The following EPB41L5 variants were observed in gnomAD, a reference collection of about 807,000 sequenced individuals.
The protein encoded by EPB41L5 is band 4.1-like protein 5.
Under a neutral mutation model 106.6 loss-of-function variants are expected in EPB41L5, and 55 were observed. The observed-to-expected ratio is 0.52, with a 90% CI of 0.42 to 0.65. The LOEUF is 0.65. EPB41L5 is among the 30% of genes least tolerant of loss of function. The probability of loss-of-function intolerance (pLI) is 0.00; values close to 1 mark genes in which losing one functional copy is unlikely to be tolerated. For missense variants in EPB41L5, 871 were observed against 882.1 expected (o/e 0.99, Z 0.16); for synonymous variants, 297 against 306.7 (o/e 0.97, Z 0.33).
rs2105414111 is a variant in EPB41L5, at chr2:120,106,178, T to G, written c.1337+5364T>G. The G allele has an allele frequency of 2.0e-6, 2 of 985,380 alleles. 1 individual carries two copies. Among genetic ancestry groups the G allele is most frequent in the East Asian group, 2.3e-4 (2 of 8,816 alleles). The allele number at this position is 985,380 out of a possible 1,614,324, so 61.0% of individuals were successfully genotyped here. ...GATTTTTCTTTTGTTGAAAACCTTGTTGTAAAGAATTGATTTGCGAATTCC... is the reference window on the plus strand; with the variant it reads ...GATTTTTCTTTTGTTGAAAACCTTGGTGTAAAGAATTGATTTGCGAATTCC... On this transcript the variant is annotated intron_variant, in intron 16 of 24. Transcript: ENST00000263713.
chr2:120,032,919 A>G (rs957894462), intron 2 of EPB41L5, among the ~76,000 whole-genome samples: 1 of 152,236 alleles, frequency 6.6e-6, no homozygotes, highest in African/African-American at 2.4e-5. Context: ...ACTAACATCT[A>G]ACACATAATA....
chr2:120,092,943 T>C (rs1683510020), intron 13 of EPB41L5, among the ~76,000 whole-genome samples: 1 of 152,234 alleles, frequency 6.6e-6, no homozygotes, highest in Non-Finnish European at 1.5e-5. Flanking sequence ...TTGAAGGTTT[T>C]TAGATTTATG....
At chr2:120,058,091 G>T (rs1190042579) in intron 3 of EPB41L5, among the ~76,000 whole-genome samples, 9 of 151,892 alleles carry the variant, frequency 5.9e-5, no homozygotes, top group Admixed American at 5.9e-4. Flanking sequence ...ATTTTGCATG[G>T]TTATTTACTC....
chr2:120,015,010 A>T (rs1260161367), intron 1 of EPB41L5, among the ~76,000 whole-genome samples: 3 of 150,468 alleles, frequency 2.0e-5, no homozygotes, highest in African/African-American at 7.3e-5. Context: ...TGATCCATTC[A>T]TATTATTTTT....
At chr2:120,081,589 T>C (rs1682671114) in intron 10 of EPB41L5, among the ~76,000 whole-genome samples, 1 of 152,172 alleles carries the variant, frequency 6.6e-6, no homozygotes. Context: ...TTTGGCTATA[T>C]GGGCTCTTTT....
intron 20 of EPB41L5, among the ~76,000 whole-genome samples, chr2:120,152,065 A>G (rs1440469781): frequency 1.3e-5 from 2 of 152,156 alleles, no homozygotes; most frequent in Non-Finnish European, 2.9e-5. Flanking sequence ...TACAGTGTTG[A>G]ACAGAAGAGA....
intron 21 of EPB41L5, 85 bp from the exon 22 acceptor site, chr2:120,164,751 A>G (rs747996674): frequency 1.2e-5 from 11 of 880,508 alleles, no homozygotes; most frequent in Non-Finnish European, 1.8e-5. Context: ...CTGTGTCAGA[A>G]TTATAAATTG....
At chr2:120,076,721 TTAAG>T (rs1430750459) in intron 7 of EPB41L5, among the ~76,000 whole-genome samples, 3 of 152,088 alleles carry the variant, frequency 2.0e-5, no homozygotes, top group African/African-American at 4.8e-5. Flanking sequence ...TTTTCAAAGG[TTAAG>T]TAAGCACTGA....
chr2:120,069,173 G>C (rs902677139), intron 3 of EPB41L5, among the ~76,000 whole-genome samples: 1 of 134,612 alleles, frequency 7.4e-6, no homozygotes, highest in African/African-American at 2.9e-5. Context: ...AAAAAGCAGG[G>C]GTTGCAATCC....
At chr2:120,015,202 C>T (rs1179208653) in intron 1 of EPB41L5, among the ~76,000 whole-genome samples, 3 of 151,876 alleles carry the variant, frequency 2.0e-5, no homozygotes, top group African/African-American at 7.3e-5. Context: ...CGGCGGGCAC[C>T]TGTAGTCCCA....
intron 20 of EPB41L5, among the ~76,000 whole-genome samples, chr2:120,148,243 C>G (rs959708867): frequency 6.6e-6 from 1 of 152,002 alleles, no homozygotes; most frequent in Non-Finnish European, 1.5e-5. Context: ...GCAACCATTA[C>G]CACTATAATA....
chr2:120,063,202 T>C (rs2100052), intron 3 of EPB41L5, among the ~76,000 whole-genome samples: 104,443 of 151,612 alleles, frequency 0.69, 37,511 homozygotes, highest in Non-Finnish European at 0.79. Context: ...ATTAGCCAGG[T>C]GTGGTGGCTC....
chr2:120,024,751 G>A (rs1257852903), intron 2 of EPB41L5, among the ~76,000 whole-genome samples: 3 of 152,046 alleles, frequency 2.0e-5, no homozygotes, highest in East Asian at 1.9e-4. Flanking sequence ...GAGCCACCAC[G>A]CCCGGCCAAT....
In EPB41L5 at chr2:120,167,502, G is replaced by A. The variant is rs1687468496; in HGVS notation, c.1999G>A (p.Val667Ile). 1 of 1,613,744 alleles carries A rather than the reference G, an allele frequency of 6.2e-7. No homozygotes were observed. Among genetic ancestry groups the A allele is most frequent in the Non-Finnish European group, 8.5e-7 (1 of 1,179,766 alleles). Residue 667 changes from valine to isoleucine, a missense_variant, in exon 23 of 25, where the codon GTT (valine) becomes ATT (isoleucine). Physicochemically the swap from Val to Ile is conservative, Grantham distance 29. Transcript: ENST00000263713. Reference sequence around the variant, plus strand: ...ATCCATGATCACACCCCGGTGGATTGTTCCGGTAAGTTCATGTTATTTGTG... The same window carrying A: ...ATCCATGATCACACCCCGGTGGATTATTCCGGTAAGTTCATGTTATTTGTG... ...STSMITPRWIVPQSGAMSNGL... is the reference protein window; with the variant it reads ...STSMITPRWIIPQSGAMSNGL...
chr2:120,146,543 T>C (rs1423148171), intron 20 of EPB41L5, among the ~76,000 whole-genome samples: 1 of 152,248 alleles, frequency 6.6e-6, no homozygotes, highest in Non-Finnish European at 1.5e-5. Flanking sequence ...TAAAGATATG[T>C]GTGATCTTTT....
chr2:120,083,367 G>A (rs1449965930), intron 10 of EPB41L5, among the ~76,000 whole-genome samples: 1 of 152,210 alleles, frequency 6.6e-6, no homozygotes, highest in Non-Finnish European at 1.5e-5. Context: ...TATGTACCCA[G>A]TAGTCATTCA....
intron 16 of EPB41L5, among the ~76,000 whole-genome samples, chr2:120,110,332 C>T (rs1684664103): frequency 6.6e-6 from 1 of 152,206 alleles, no homozygotes; most frequent in Non-Finnish European, 1.5e-5. Flanking sequence ...CTACTTATCT[C>T]TCCAACCCCT....
In EPB41L5 at chr2:120,051,437, C is replaced by T. The variant is rs1375692985; in HGVS notation, c.285+9327C>T. ...CTAGCAATGAGTGAGGATCTGTGAG[C>T]GTGGGACCCTCCGAGCCAGGCACAG... is the stretch of plus-strand genomic sequence containing the variant. On this transcript the variant is annotated intron_variant, in intron 3 of 24. Transcript: ENST00000263713. Among the ~76,000 whole-genome samples the T allele has an allele frequency of 4.6e-5, 7 of 152,168 alleles. 1 individual carries two copies. Among genetic ancestry groups the T allele is most frequent in the Admixed American group, 3.3e-4 (5 of 15,274 alleles).
chr2:120,135,726 C>T (rs984492421), intron 18 of EPB41L5, among the ~76,000 whole-genome samples: 1 of 151,944 alleles, frequency 6.6e-6, no homozygotes, highest in Non-Finnish European at 1.5e-5. Flanking sequence ...AATTTTTATC[C>T]TAAAATAGTA....
Sources: allele counts gnomAD v4.1 joint callset (sites outside exome capture counted in the v4.1 genomes callset), GRCh38; gene constraint gnomAD v4.1.1; transcripts MANE v1.5; gene names NCBI Gene and HGNC (gene_info 2026-07-23, HGNC 2026-07-21).